The following DNAH2 variants were observed in gnomAD, a reference collection of about 807,000 sequenced individuals.
DNAH2 encodes axonemal beta dynein heavy chain 2.
Under a neutral mutation model 523.5 loss-of-function variants are expected in DNAH2, and 323 were observed. The observed-to-expected ratio is 0.62, with a 90% CI of 0.56 to 0.68. The LOEUF (loss-of-function observed/expected upper bound fraction) is 0.68, where lower values mean the gene tolerates loss of function less well. Among genes scored for constraint, DNAH2 ranks in the 30% least tolerant of loss-of-function variants. The pLI is 0.00. For missense variants in DNAH2, 4,907 were observed against 5,701.5 expected (o/e 0.86, Z 4.49); for synonymous variants, 2,093 against 2,177.4 (o/e 0.96, Z 1.08).
chr17:7,740,326 T>A, intron 9 of DNAH2, 94 bp from the exon 10 acceptor site: 1 of 1,562,034 alleles, frequency 6.4e-7, no homozygotes, highest in Admixed American at 1.8e-5. Context: ...CAGGAAGCCC[T>A]CTGTCCTCAG....
intron 77 of DNAH2, among the ~76,000 whole-genome samples, chr17:7,830,026 C>CA (rs546222498): frequency 0.24 from 12,966 of 53,412 alleles, 1,406 homozygotes; most frequent in African/African-American, 0.41. Context: ...AACTCCGTCT[C>CA]AAAAAAAAAA....
chr17:7,775,455 G>A (rs2076423398), intron 30 of DNAH2, 113 bp downstream of exon 30: 1 of 985,952 alleles, frequency 1.0e-6, no homozygotes, highest in African/African-American at 1.6e-5. Context: ...GGAGGCTGAG[G>A]TGGGCAGATC....
rs752044286 is a variant in DNAH2, at chr17:7,759,585, A to G, written c.2612A>G (p.Asn871Ser). The G allele has an allele frequency of 1.2e-6, 2 of 1,614,184 alleles. No homozygotes were observed. The highest frequency in any genetic ancestry group is 2.2e-5 in the South Asian group (2 of 91,080). Reference sequence around the variant, plus strand: ...TTCCAAGTCCTTGTCATTTTGAAGAATGATCTGCAAGGAAGTGTGGCACAG... The same window carrying G: ...TTCCAAGTCCTTGTCATTTTGAAGAGTGATCTGCAAGGAAGTGTGGCACAG... The part of the protein sequence containing the change: ...PLFQVLVILK[N>S]DLQGSVAQVE... The change falls in exon 16 of 86, where the codon AAT becomes AGT. Residue 871 changes from asparagine (N) to serine (S), a missense_variant. This residue lies in a region of DNAH2 where 2,806 missense variants were observed against 3,190.8 expected (regional missense o/e 0.88). Transcript: ENST00000572933.
chr17:7,807,215 A>T lies in DNAH2; in HGVS notation c.9508A>T (p.Lys3170Ter). The change falls in exon 62 of 86, where the codon AAG becomes TAG. Residue 3170 changes from lysine (K) to a stop codon, truncating the protein, a stop_gained. Transcript: ENST00000572933. LOFTEE classifies it high-confidence loss of function. The surrounding 1 kb of genome is among the most constrained non-coding windows in gnomAD (Gnocchi z 5.6). ...DKDNISDKVL[K>*]KIGAYCAQPD... ...AGACAATATCTCAGATAAGGTTCTG[A>T]AGAAGATTGGGGCCTACTGCGCCCA... 6.2e-7 allele frequency: 1 copy of T among 1,613,502 alleles called. No homozygotes were observed. The highest frequency in any genetic ancestry group is 1.3e-5 in the African/African-American group (1 of 75,064).
At chr17:7,818,178 T>C in intron 68 of DNAH2, 82 bp downstream of exon 68, 2 of 1,597,914 alleles carry the variant, frequency 1.3e-6, no homozygotes, top group Non-Finnish European at 1.7e-6. Context: ...TCTTCTTACC[T>C]GTCCCTCCAT....
chr17:7,819,283 G>A lies in DNAH2; in HGVS notation c.10890G>A (p.Met3630Ile). The stretch of plus-strand genomic sequence containing the variant: ...ATGATATGGGCTGCATCGACCCCAT[G>A]TACCAGTTCTCACTGGATGCCTACA... ...VLNDMGCIDPMYQFSLDAYIS... is the reference protein window; with the variant it reads ...VLNDMGCIDPIYQFSLDAYIS... The change falls in exon 72 of 86, where the codon ATG (methionine) becomes ATA (isoleucine). Residue 3630 changes from methionine to isoleucine, a missense_variant. Physicochemically the swap from Met to Ile is conservative, Grantham distance 10. Around this residue, in one of 3 missense-constraint regions of DNAH2, gnomAD observed 1,851 missense variants for 2,139.4 expected, o/e 0.87. Transcript: ENST00000572933. 2 of 1,614,186 alleles carry A rather than the reference G, an allele frequency of 1.2e-6. No individual in the cohort carries two copies. The highest frequency in any genetic ancestry group is 1.7e-6 in the Non-Finnish European group (2 of 1,180,040).
At position 7,831,566 on chromosome 17, in the gene DNAH2, A is replaced by G. The variant is rs1436357272; in HGVS notation, c.12611+25A>G. ...TGTAAGACAGAGGGGGACTCTGCGG[A>G]ACAGGGGAGGGTGTGAGGAGAAGCC... On this transcript the variant is annotated intron_variant, in intron 81 of 85. Coordinates refer to ENST00000572933, the MANE Select transcript of DNAH2 (RefSeq NM_020877.5). This position sits in a 1 kb window ranked among gnomAD's most constrained non-coding sequence, Gnocchi z 4.2. The G allele has an allele frequency of 6.2e-7, 1 of 1,614,112 alleles. No homozygotes were observed. Among genetic ancestry groups the G allele is most frequent in the Admixed American group, 1.7e-5 (1 of 60,010 alleles).
At position 7,766,492 on chromosome 17, in the gene DNAH2, G is replaced by A; in HGVS notation, c.3675+11G>A. ...CAGAACCTGGAGAAGGTGGTGTGCT[G>A]AGCAAGGACCCTGTGGTCACTGTCG... is the stretch of plus-strand genomic sequence containing the variant. On this transcript the variant is annotated intron_variant, in intron 22 of 85. Transcript: ENST00000572933. 6.2e-7 allele frequency: 1 copy of A among 1,613,206 alleles called. No homozygotes were observed. Among genetic ancestry groups the A allele is most frequent in the Middle Eastern group, 1.7e-4 (1 of 5,948 alleles).
At chr17:7,740,041 A>G in intron 9 of DNAH2, 103 bp downstream of exon 9, 1 of 889,332 alleles carries the variant, frequency 1.1e-6, no homozygotes, top group South Asian at 1.6e-5. Flanking sequence ...TGGTGGAAGG[A>G]CAGATCGGGA....
Position 7,760,674 on chromosome 17 carries a change from A to C in DNAH2, c.2786-66A>C. On this transcript the variant is annotated intron_variant, in intron 17 of 85. Coordinates refer to ENST00000572933, the MANE Select transcript of DNAH2 (RefSeq NM_020877.5). This position sits in a 1 kb window ranked among gnomAD's most constrained non-coding sequence, Gnocchi z 4.0. The stretch of plus-strand genomic sequence containing the variant: ...GAGTGGAAGGTCTGGAGCAGTGGGC[A>C]GGGCTCAGGCAGAAGTTGGGTTGGG... 1.3e-6 allele frequency: 2 copies of C among 1,513,452 alleles called. No homozygotes were observed. Among genetic ancestry groups the C allele is most frequent in the Middle Eastern group, 1.9e-4 (1 of 5,358 alleles). The allele number at this position is 1,513,452 out of a possible 1,614,324, so 93.8% of individuals were successfully genotyped here. A position where few individuals can be genotyped will look rare whatever the true frequency, so the allele number is the denominator to read the frequency against.
In DNAH2 at chr17:7,792,331, G is replaced by A. The variant is rs750699985; in HGVS notation, c.7133G>A (p.Arg2378His). The change falls in exon 46 of 86, where the codon CGC (arginine) becomes CAC (histidine). Residue 2378 changes from arginine to histidine, a missense_variant. By Grantham distance (29) the Arg-to-His change is conservative (BLOSUM62 0). Coordinates refer to ENST00000572933, the MANE Select transcript of DNAH2 (RefSeq NM_020877.5). ...GAGGACAAGCTCCCTAAGAGTTGGC[G>A]CTACCCTCCAAAGTAAGAGCTGGGC... The part of the protein sequence containing the change: ...SFEDKLPKSW[R>H]YPPNAPFYKI... 9.9e-6 allele frequency: 16 copies of A among 1,613,950 alleles called. No individual in the cohort carries two copies. The highest frequency in any genetic ancestry group is 1.6e-4 in the Middle Eastern group (1 of 6,080).
At chr17:7,790,410 T>A (rs114858010) in intron 44 of DNAH2, among the ~76,000 whole-genome samples, 23 of 152,174 alleles carry the variant, frequency 1.5e-4, no homozygotes, top group South Asian at 1.0e-3. Context: ...TTTCTAGAGA[T>A]GGGGTCTCAC....
chr17:7,832,355 C>T lies in DNAH2; in HGVS notation c.12727-224C>T, dbSNP rs2078202465. Among the ~76,000 whole-genome samples the T allele has an allele frequency of 6.6e-6, 1 of 151,896 alleles. No individual in the cohort carries two copies. The highest frequency in any genetic ancestry group is 2.1e-4 in the South Asian group (1 of 4,804). On this transcript the variant is annotated intron_variant, in intron 82 of 85. Coordinates refer to ENST00000572933, the MANE Select transcript of DNAH2 (RefSeq NM_020877.5). The surrounding 1 kb of genome is among the most constrained non-coding windows in gnomAD (Gnocchi z 4.3). ...AAACCCCGTCTCTACTAAAAAAATA[C>T]AAAAATTAGCCGGGCGTGATGGTGG...
In DNAH2 at chr17:7,786,200, A is replaced by G; in HGVS notation, c.6206A>G (p.Gln2069Arg). 6.2e-7 allele frequency: 1 copy of G among 1,613,860 alleles called. No individual in the cohort carries two copies. Among genetic ancestry groups the G allele is most frequent in the Non-Finnish European group, 8.5e-7 (1 of 1,179,992 alleles). Residue 2069 changes from glutamine (Q) to arginine (R), a missense_variant, in exon 40 of 86, where the codon CAG (glutamine) becomes CGG (arginine). Gln to Arg is a conservative substitution (Grantham distance 43, BLOSUM62 1). Coordinates refer to ENST00000572933, the MANE Select transcript of DNAH2 (RefSeq NM_020877.5). This position sits in a 1 kb window ranked among gnomAD's most constrained non-coding sequence, Gnocchi z 7.5. The part of the protein sequence containing the change: ...STPFTLTKVF[Q>R]LYETKNSRHS... ...CCGTTCACCCTCACCAAGGTTTTCC[A>G]GTTGTATGAAACCAAGAACTCCCGC... is the stretch of plus-strand genomic sequence containing the variant.
Position 7,800,911 on chromosome 17 carries a change from T to C in DNAH2, c.8700-667T>C, listed in dbSNP as rs1157311778. ...TTTTTGAGACCGAGTCTTGCTCTGT[T>C]GCCCAGGCTGGAGTGCAGTGGTGCC... On this transcript the variant is annotated intron_variant, in intron 56 of 85. Coordinates refer to ENST00000572933, the MANE Select transcript of DNAH2 (RefSeq NM_020877.5). Among the ~76,000 whole-genome samples, 3 of 149,686 alleles carry C rather than the reference T, an allele frequency of 2.0e-5. No homozygotes were observed. In the South Asian group the frequency reaches 6.5e-4, roughly 32 times the overall value.
At chr17:7,814,837 G>A (rs1483193024) in intron 63 of DNAH2, among the ~76,000 whole-genome samples, 1 of 152,230 alleles carries the variant, frequency 6.6e-6, no homozygotes, top group Admixed American at 6.5e-5. Flanking sequence ...AGACAAGAGC[G>A]AGACTCCGTC....
chr17:7,833,656 G>C lies in DNAH2; in HGVS notation c.*123G>C. 7.3e-7 allele frequency: 1 copy of C among 1,366,710 alleles called. No individual in the cohort carries two copies. Among genetic ancestry groups the C allele is most frequent in the Non-Finnish European group, 1.0e-6 (1 of 985,534 alleles). The allele number at this position is 1,366,710 out of a possible 1,614,324, so 84.7% of individuals were successfully genotyped here. A position where few individuals can be genotyped will look rare whatever the true frequency, so the allele number is the denominator to read the frequency against. On this transcript the variant is annotated 3_prime_UTR_variant, in exon 86 of 86. Transcript: ENST00000572933. ...TTGACCTTGGCCGAATTTGTGTGATGTGGCCCTGGAGATACCTAGTTGTGT... is the reference window on the plus strand; with the variant it reads ...TTGACCTTGGCCGAATTTGTGTGATCTGGCCCTGGAGATACCTAGTTGTGT...
rs2075402205 is a variant in DNAH2, at chr17:7,743,104, C to T, written c.1866C>T (p.Ser622=). The change falls in exon 12 of 86, where the codon AGC becomes AGT. Residue 622 remains serine, a synonymous_variant. Coordinates refer to ENST00000572933, the MANE Select transcript of DNAH2 (RefSeq NM_020877.5). ...TGGATACCCCATTGCTGCGAATCAG[C>T]CAGGAGAAGGCGGGCATGCTGGATG... ...RRLDTPLLRI[S]QEKAGMLDVN... 2 of 1,569,350 alleles carry T rather than the reference C, an allele frequency of 1.3e-6. No individual in the cohort carries two copies. Among genetic ancestry groups the T allele is most frequent in the African/African-American group, 1.4e-5 (1 of 72,862 alleles).
At position 7,750,455 on chromosome 17, in the gene DNAH2, C is replaced by T. The variant is rs552551564; in HGVS notation, c.1905-6636C>T. On this transcript the variant is annotated intron_variant, in intron 12 of 85. Transcript: ENST00000572933. The stretch of plus-strand genomic sequence containing the variant: ...CTTTGTCTTCCTCTTTTTTGGTTTA[C>T]GCCTTTGTTTTGTTGGTGTGTATCC... Among the ~76,000 whole-genome samples the T allele has an allele frequency of 2.0e-4, 31 of 152,128 alleles. 1 individual carries two copies. The South Asian group carries it at 6.0e-3, about 29-fold the overall frequency.
Sources: gnomAD v4.1 joint callset for allele counts (sites outside exome capture counted in the v4.1 genomes callset) on GRCh38, gnomAD v4.1.1 for gene constraint, gnomAD v4.1.1 regional missense constraint, Gnocchi (gnomAD v3.1) non-coding constraint, MANE v1.5 for transcripts, NCBI Gene and HGNC (gene_info 2026-07-23, HGNC 2026-07-21) for gene names.